The following FDFT1 variants were observed in gnomAD, a reference collection of about 807,000 sequenced individuals.
The protein encoded by FDFT1 is farnesyl-diphosphate farnesyltransferase 1.
Under a neutral mutation model 46.8 loss-of-function variants are expected in FDFT1, and 68 were observed. That is an observed-to-expected ratio of 1.45 (90% CI 1.19 to 1.78). The LOEUF (loss-of-function observed/expected upper bound fraction) is 1.78. FDFT1 is among the 40% of genes most tolerant of loss of function. FDFT1 has a pLI of 0.00. For missense variants in FDFT1, 928 were observed against 524.4 expected, an observed-to-expected ratio of 1.77 and a Z score of -7.52; for synonymous variants, 351 against 185.1, an observed-to-expected ratio of 1.90 and a Z score of -7.28.
chr8:11,809,212 C>T, intron 2 of FDFT1: 7 of 1,195,398 alleles, frequency 5.9e-6, no homozygotes, highest in Non-Finnish European at 6.3e-6. Context: ...CTTTGCATTT[C>T]TATTTCTAGC....
chr8:11,830,240 C>G lies in FDFT1; in HGVS notation c.703-4C>G, dbSNP rs770442846. The G allele has an allele frequency of 4.3e-6, 7 of 1,611,764 alleles. No individual in the cohort carries two copies. The highest frequency in any genetic ancestry group is 1.3e-5 in the African/African-American group (1 of 74,864). On this transcript the variant is annotated splice_polypyrimidine_tract_variant and splice_region_variant and intron_variant, in intron 5 of 7. Transcript: ENST00000220584. ...CCTGTTCCTTAATCTTCTTATCTGTCTAGGTTTGGAGCAGGTATGTTAAGA... is the reference window on the plus strand; with the variant it reads ...CCTGTTCCTTAATCTTCTTATCTGTGTAGGTTTGGAGCAGGTATGTTAAGA...
At chr8:11,810,515 C>T (rs184464112) in intron 3 of FDFT1, among the ~76,000 whole-genome samples, 178 of 152,280 alleles carry the variant, frequency 1.2e-3, no homozygotes, top group South Asian at 2.1e-3. Context: ...GGATTAATTT[C>T]GCACATATAA....
Position 11,802,771 on chromosome 8 carries a change from G to C in FDFT1, c.-62G>C, listed in dbSNP as rs1394172841. 3.0e-6 allele frequency: 4 copies of C among 1,351,534 alleles called. No individual in the cohort carries two copies. Among genetic ancestry groups the C allele is most frequent in the Non-Finnish European group, 4.2e-6 (4 of 960,242 alleles). The allele number at this position is 1,351,534 out of a possible 1,614,324, so 83.7% of individuals were successfully genotyped here. A position where few individuals can be genotyped will look rare whatever the true frequency, so the allele number is the denominator to read the frequency against. On this transcript the variant is annotated 5_prime_UTR_variant, in exon 1 of 8. Transcript: ENST00000220584. ...ACCTACTCCACAGGTCCAGCCGGCC[G>C]GTGAGCGCCTGGGGACCGCAGAGGT...
chr8:11,825,105 T>A (rs916105773), intron 4 of FDFT1, among the ~76,000 whole-genome samples: 8 of 152,202 alleles, frequency 5.3e-5, no homozygotes, highest in African/African-American at 1.9e-4. Flanking sequence ...TAATGATGAT[T>A]TTGAGGGCCT....
chr8:11,803,567 A>C (rs115650225), intron 1 of FDFT1: 3 of 957,724 alleles, frequency 3.1e-6, no homozygotes, highest in African/African-American at 3.5e-5. Context: ...TGCCTGTACT[A>C]TTTGTTTAAT....
chr8:11,824,193 G>A (rs1018830580), intron 4 of FDFT1, among the ~76,000 whole-genome samples: 2 of 152,072 alleles, frequency 1.3e-5, no homozygotes, highest in African/African-American at 4.8e-5. Flanking sequence ...ACACTCCAGA[G>A]CTTACCTTCT....
In FDFT1 at chr8:11,830,355, G is replaced by C. The variant is rs769233178; in HGVS notation, c.814G>C (p.Asp272His). Reference protein sequence around the residue: ...LITNALHHIPDVITYLSRLRN... With the variant: ...LITNALHHIPHVITYLSRLRN... ...AACCAATGCACTGCACCACATCCCAGATGTCATCACCTACCTTTCGAGACT... is the reference window on the plus strand; with the variant it reads ...AACCAATGCACTGCACCACATCCCACATGTCATCACCTACCTTTCGAGACT... Residue 272 changes from aspartate (D) to histidine (H), a missense_variant, in exon 6 of 8, where the codon GAT (aspartate) becomes CAT (histidine). By Grantham distance (81) the Asp-to-His change is moderately conservative. Coordinates refer to ENST00000220584, the MANE Select transcript of FDFT1 (RefSeq NM_004462.5). 1 of 1,613,952 alleles carries C rather than the reference G, an allele frequency of 6.2e-7. No homozygotes were observed. Among genetic ancestry groups the C allele is most frequent in the Non-Finnish European group, 8.5e-7 (1 of 1,179,870 alleles).
At chr8:11,822,032 T>G (rs1809324244) in intron 4 of FDFT1, among the ~76,000 whole-genome samples, 154 bp downstream of exon 4, 1 of 152,214 alleles carries the variant, frequency 6.6e-6, no homozygotes, top group Non-Finnish European at 1.5e-5. Context: ...CATAAACAGT[T>G]TATTCCAGAG....
At chr8:11,836,317 C>T (rs536178206) in intron 7 of FDFT1, among the ~76,000 whole-genome samples, 4 of 152,234 alleles carry the variant, frequency 2.6e-5, no homozygotes, top group African/African-American at 9.6e-5. Context: ...TGCCACTCAT[C>T]TTGGCCTTCG....
intron 3 of FDFT1, among the ~76,000 whole-genome samples, chr8:11,812,074 C>G (rs1807793450): frequency 6.6e-6 from 1 of 152,226 alleles, no homozygotes; most frequent in African/African-American, 2.4e-5. Context: ...GCCTCACACA[C>G]AGTACTGCTC....
intron 5 of FDFT1, among the ~76,000 whole-genome samples, chr8:11,829,521 A>C (rs1007880816): frequency 3.9e-5 from 6 of 152,252 alleles, no homozygotes; most frequent in Non-Finnish European, 8.8e-5. Flanking sequence ...GTCATTATTT[A>C]GAGGCCTGGC....
At chr8:11,833,055 ATGTC>A (rs1811067917) in intron 7 of FDFT1, among the ~76,000 whole-genome samples, 1 of 152,186 alleles carries the variant, frequency 6.6e-6, no homozygotes, top group Non-Finnish European at 1.5e-5. Context: ...GAAATGCTGT[ATGTC>A]CAGAACTTCT....
chr8:11,832,850 G>T (rs1375802458), intron 7 of FDFT1, among the ~76,000 whole-genome samples: 1 of 152,056 alleles, frequency 6.6e-6, no homozygotes, highest in Admixed American at 6.6e-5. Flanking sequence ...TTTTTCCTTT[G>T]CCTGAGCTCC....
intron 6 of FDFT1, among the ~76,000 whole-genome samples, chr8:11,830,938 C>T (rs1810689230): frequency 6.6e-6 from 1 of 152,180 alleles, no homozygotes; most frequent in Admixed American, 6.5e-5. Context: ...CAGCATTTAA[C>T]TGATTTGGGA....
intron 7 of FDFT1, among the ~76,000 whole-genome samples, chr8:11,833,925 A>T (rs955367894): frequency 1.3e-5 from 2 of 152,252 alleles, no homozygotes; most frequent in African/African-American, 4.8e-5. Context: ...AAGATTTCTA[A>T]GTCTTAAGCA....
In FDFT1 at chr8:11,831,640, C is replaced by G. The variant is rs780932620; in HGVS notation, c.1002C>G (p.Val334=). 7.4e-6 allele frequency: 12 copies of G among 1,613,854 alleles called. No homozygotes were observed. Among genetic ancestry groups the G allele is most frequent in the African/African-American group, 1.3e-5 (1 of 74,904 alleles). ...LMMDATNMPA[V]KAIIYQYMEE... ...TGGATGCCACCAATATGCCAGCTGTCAAAGCCATCATATATCAGTATATGG... is the reference window on the plus strand; with the variant it reads ...TGGATGCCACCAATATGCCAGCTGTGAAAGCCATCATATATCAGTATATGG... Residue 334 remains valine (V), a synonymous_variant, in exon 7 of 8, where the codon GTC becomes GTG. Coordinates refer to ENST00000220584, the MANE Select transcript of FDFT1 (RefSeq NM_004462.5).
chr8:11,807,151 A>G lies in FDFT1; in HGVS notation c.100-1643A>G, dbSNP rs1454911986. On this transcript the variant is annotated intron_variant, in intron 1 of 7. Coordinates refer to ENST00000220584, the MANE Select transcript of FDFT1 (RefSeq NM_004462.5). ...ATATTTTTTTAACCACTCCTATTGGATATTTGTTTTTTATTTTTTTGAGAT... is the reference window on the plus strand; with the variant it reads ...ATATTTTTTTAACCACTCCTATTGGGTATTTGTTTTTTATTTTTTTGAGAT... Among the ~76,000 whole-genome samples the G allele has an allele frequency of 2.0e-5, 3 of 151,848 alleles. No individual in the cohort carries two copies. The East Asian group carries it at 5.8e-4, about 29-fold the overall frequency.
At chr8:11,832,561 A>AAAAAAAAAAAAAAAAC (rs1810957596) in intron 7 of FDFT1, among the ~76,000 whole-genome samples, 2 of 147,690 alleles carry the variant, frequency 1.4e-5, no homozygotes, top group African/African-American at 2.5e-5. Flanking sequence ...CAAAAAAAAA[A>AAAAAAAAAAAAAAAAC]AAAAAAAAAA....
chr8:11,836,863 C>G (rs959362624), intron 7 of FDFT1, among the ~76,000 whole-genome samples: 3 of 152,192 alleles, frequency 2.0e-5, no homozygotes, highest in Admixed American at 6.5e-5. Context: ...CTGGTAAAAC[C>G]TTGTCTCTAT....
Sources: allele counts gnomAD v4.1 joint callset (sites outside exome capture counted in the v4.1 genomes callset), GRCh38; gene constraint gnomAD v4.1.1; transcripts MANE v1.5; gene names NCBI Gene and HGNC (gene_info 2026-07-23, HGNC 2026-07-21).